LARGE1: variants seen among roughly 807,000 people sequenced by gnomAD.
LARGE1 encodes the protein xylosyl- and glucuronyltransferase LARGE1.
A neutral mutation model predicts 87.6 loss-of-function variants in LARGE1; 43 were observed. The ratio of observed to expected loss-of-function variants is 0.49; its 90% CI spans 0.38 to 0.63. LARGE1 has a LOEUF of 0.63. LARGE1 is among the 30% of genes least tolerant of loss of function. The pLI, the probability that LARGE1 is intolerant of heterozygous loss-of-function variation, is 0.00. For synonymous variants in LARGE1, 434 were observed against 394.6 expected (o/e 1.10, Z -1.18); for missense variants, 802 against 1,000.2 (o/e 0.80, Z 2.67).
intron 7 of LARGE1, among the ~76,000 whole-genome samples, chr22:33,416,796 G>A (rs1198195192): frequency 6.6e-6 from 1 of 151,442 alleles, no homozygotes; most frequent in Non-Finnish European, 1.5e-5. Flanking sequence ...TAGAGATGGG[G>A]TTTCACTATG....
intron 1 of LARGE1, among the ~76,000 whole-genome samples, chr22:33,782,864 C>T (rs1336787981): frequency 9.3e-6 from 1 of 107,138 alleles, no homozygotes; most frequent in Admixed American, 1.1e-4. Context: ...ACTCTGTCTC[C>T]AAAAAAACAA....
At chr22:33,093,666 T>C in the LARGE1 span, among the ~76,000 whole-genome samples, 1 of 152,184 alleles carries the variant, frequency 6.6e-6, no homozygotes, top group African/African-American at 2.4e-5. Context: ...AGGGATGAGA[T>C]GGAAGGGAAT....
intron 1 of LARGE1, among the ~76,000 whole-genome samples, chr22:33,887,127 C>A (rs62227816): frequency 0.042 from 6,459 of 152,214 alleles, 170 homozygotes; most frequent in South Asian, 0.065. Context: ...ACGTGAACAT[C>A]GAATGAGTTC....
the LARGE1 span, among the ~76,000 whole-genome samples, chr22:33,079,289 G>C: frequency 1.4e-5 from 2 of 143,084 alleles, no homozygotes; most frequent in East Asian, 2.1e-4. Context: ...GGACAGTGGC[G>C]TGATCTCGGC....
chr22:33,485,444 C>T (rs1293366267), intron 6 of LARGE1, among the ~76,000 whole-genome samples: 2 of 151,284 alleles, frequency 1.3e-5, no homozygotes, highest in African/African-American at 4.9e-5. Flanking sequence ...GAACTACCGA[C>T]CTCAGGTGAT....
At chr22:33,342,293 G>C (rs1939242756) in intron 9 of LARGE1, among the ~76,000 whole-genome samples, 1 of 152,198 alleles carries the variant, frequency 6.6e-6, no homozygotes, top group African/African-American at 2.4e-5. Context: ...CTTCAACAGG[G>C]AGAAACTTAA....
At chr22:33,863,716 C>T (rs576409755) in intron 1 of LARGE1, among the ~76,000 whole-genome samples, 4 of 151,450 alleles carry the variant, frequency 2.6e-5, no homozygotes, top group South Asian at 2.1e-4. Flanking sequence ...TGCAGTGAGC[C>T]GACATTGCGC....
chr22:33,271,287 CAAAG>C (rs1928229494), downstream of LARGE1, among the ~76,000 whole-genome samples: 1 of 152,128 alleles, frequency 6.6e-6, no homozygotes, highest in South Asian at 2.1e-4. Context: ...CCTTTGGATT[CAAAG>C]AAGTAGGATT....
In LARGE1 at chr22:33,304,358, A is replaced by G; in HGVS notation, c.1601T>C (p.Val534Ala). 1.2e-6 allele frequency: 2 copies of G among 1,614,238 alleles called. No homozygotes were observed. The highest frequency in any genetic ancestry group is 1.7e-6 in the Non-Finnish European group (2 of 1,180,028). ...GGGGTAGAACTGGCCCTCCTTGTAC[A>G]CGATGTGGTAGCCCACGTTGTGGCG... ...MSRHNVGYHIVYKEGQFYPVN... is the reference protein window; with the variant it reads ...MSRHNVGYHIAYKEGQFYPVN... The change falls in exon 12 of 15, where the codon GTG becomes GCG. Residue 534 changes from valine to alanine, a missense_variant. Val to Ala is a moderately conservative substitution (Grantham distance 64). Coordinates refer to ENST00000397394, the MANE Select transcript of LARGE1 (RefSeq NM_133642.5).
intron 6 of LARGE1, among the ~76,000 whole-genome samples, chr22:33,467,674 A>C (rs897818173): frequency 3.3e-5 from 5 of 152,226 alleles, no homozygotes; most frequent in Admixed American, 3.3e-4. Flanking sequence ...GTCAAATGAA[A>C]AGGCACTGGT....
intron 1 of LARGE1, among the ~76,000 whole-genome samples, chr22:33,911,875 A>T (rs2065648370): frequency 6.6e-6 from 1 of 152,186 alleles, no homozygotes; most frequent in Non-Finnish European, 1.5e-5. Context: ...CGCCTTGAGG[A>T]GCTCAAGTCT....
In LARGE1 at chr22:33,277,183, C is replaced by T; in HGVS notation, c.1950G>A (p.Arg650=). The stretch of plus-strand genomic sequence containing the variant: ...GCTCAAAATCGGCCTCCCACTCAAC[C>T]CGGTAAGGCGTGGTGGCGGTCCGCC... ...AKWRTATTPY[R]VEWEADFEPY... Residue 650 remains arginine (R), a synonymous_variant, in exon 14 of 15, where the codon CGG becomes CGA. Coordinates refer to ENST00000397394, the MANE Select transcript of LARGE1 (RefSeq NM_133642.5). The T allele has an allele frequency of 6.2e-7, 1 of 1,614,260 alleles. No individual in the cohort carries two copies. The highest frequency in any genetic ancestry group is 8.5e-7 in the Non-Finnish European group (1 of 1,180,044).
the LARGE1 span, among the ~76,000 whole-genome samples, chr22:33,119,742 C>T: frequency 2.0e-5 from 3 of 152,112 alleles, no homozygotes; most frequent in African/African-American, 4.8e-5. Flanking sequence ...TTTTGTAAGC[C>T]TTTCTGTTCT....
chr22:33,888,054 T>C (rs1360190959), intron 1 of LARGE1, among the ~76,000 whole-genome samples: 1 of 152,162 alleles, frequency 6.6e-6, no homozygotes, highest in Non-Finnish European at 1.5e-5. Flanking sequence ...CTTCCCAATG[T>C]GGACAACACT....
At chr22:33,571,732 A>C (rs2078211152) in intron 5 of LARGE1, among the ~76,000 whole-genome samples, 1 of 152,064 alleles carries the variant, frequency 6.6e-6, no homozygotes, top group Non-Finnish European at 1.5e-5. Context: ...AGGGTTGTCT[A>C]TTATTTAGTA....
chr22:33,527,422 G>A (rs544455069), intron 6 of LARGE1, among the ~76,000 whole-genome samples: 56 of 152,210 alleles, frequency 3.7e-4, no homozygotes, highest in Non-Finnish European at 7.3e-4. Context: ...GTGAGATGAT[G>A]CAGTGGAGAC....
chr22:33,567,471 C>G (rs1160440110), intron 5 of LARGE1, among the ~76,000 whole-genome samples: 3 of 152,116 alleles, frequency 2.0e-5, no homozygotes, highest in South Asian at 2.1e-4. Context: ...TGCAGGAGAG[C>G]AAAACACCCT....
intron 7 of LARGE1, among the ~76,000 whole-genome samples, chr22:33,422,480 G>C (rs1394206783): frequency 6.6e-6 from 1 of 151,770 alleles, no homozygotes; most frequent in Non-Finnish European, 1.5e-5. Context: ...AGGAGCAGGA[G>C]ACAGAGAACG....
chr22:33,213,533 G>A (rs1298601676), intron 11 of LARGE1, among the ~76,000 whole-genome samples: 1 of 152,176 alleles, frequency 6.6e-6, no homozygotes. Context: ...TTAACGAATT[G>A]CCACAGCCAC....
Sources: gnomAD v4.1 joint callset for allele counts (sites outside exome capture counted in the v4.1 genomes callset) on GRCh38, gnomAD v4.1.1 for gene constraint, MANE v1.5 for transcripts, NCBI Gene and HGNC (gene_info 2026-07-23, HGNC 2026-07-21) for gene names.